WRN: variants seen among roughly 807,000 people sequenced by gnomAD.
The protein encoded by WRN is bifunctional 3'-5' exonuclease/ATP-dependent helicase WRN.
Under a neutral mutation model 180.7 loss-of-function variants are expected in WRN, and 149 were observed. The observed-to-expected ratio is 0.82, with a 90% CI of 0.72 to 0.94. The LOEUF (loss-of-function observed/expected upper bound fraction) is 0.94. WRN is among the 40% of genes least tolerant of loss of function. The probability of loss-of-function intolerance (pLI) is 0.00; values close to 1 mark genes in which losing one functional copy is unlikely to be tolerated. For missense variants in WRN, 1,661 were observed against 1,700.1 expected (o/e 0.98, Z 0.40); for synonymous variants, 548 against 568.9 (o/e 0.96, Z 0.52).
Position 31,156,576 on chromosome 8 carries a change from G to A in WRN, c.3820-792G>A, listed in dbSNP as rs547631044. ...AAGGATGAAAAACATTGCCTTAAAT[G>A]CTCTATTCTGTGAAAGTATCAACAT... On this transcript the variant is annotated intron_variant, in intron 32 of 34. Transcript: ENST00000298139. Among the ~76,000 whole-genome samples the A allele has an allele frequency of 7.2e-5, 11 of 152,286 alleles. No individual in the cohort carries two copies. The East Asian group carries it at 1.7e-3, about 24-fold the overall frequency.
intron 1 of WRN, among the ~76,000 whole-genome samples, chr8:31,057,646 T>TAG (rs895752311): frequency 3.9e-5 from 6 of 152,256 alleles, no homozygotes; most frequent in African/African-American, 1.2e-4. Context: ...TTTGAGGAAT[T>TAG]TGCTAAGAAC....
chr8:31,162,551 A>T (rs1429692015), intron 33 of WRN, among the ~76,000 whole-genome samples: 1 of 152,228 alleles, frequency 6.6e-6, no homozygotes, highest in Non-Finnish European at 1.5e-5. Context: ...ACACATAAAC[A>T]TAGTAACATA....
chr8:31,065,193 G>A, intron 5 of WRN, 130 bp downstream of exon 5: 1 of 904,940 alleles, frequency 1.1e-6, no homozygotes, highest in Non-Finnish European at 1.6e-6. Flanking sequence ...CAATAAAAAA[G>A]TTCCAAGTGA....
At chr8:31,055,582 G>T (rs566091612) in intron 1 of WRN, among the ~76,000 whole-genome samples, 18 of 151,770 alleles carry the variant, frequency 1.2e-4, no homozygotes, top group Non-Finnish European at 2.7e-4. Flanking sequence ...GTCTGTTCAT[G>T]TCCTCTGCCT....
Position 31,089,003 on chromosome 8 carries a change from T to C in WRN, c.1652+38T>C, listed in dbSNP as rs369893836. 259 of 1,570,508 alleles carry C rather than the reference T, an allele frequency of 1.6e-4. 1 individual carries two copies. The East Asian group carries it at 2.9e-3, about 18-fold the overall frequency. On this transcript the variant is annotated intron_variant, in intron 13 of 34. Coordinates refer to ENST00000298139, the MANE Select transcript of WRN (RefSeq NM_000553.6). ...TCATTTAATCAAATCACATATTTAGTATTCTCTTTAAAACAAGGGAAAAGG... is the reference window on the plus strand; with the variant it reads ...TCATTTAATCAAATCACATATTTAGCATTCTCTTTAAAACAAGGGAAAAGG...
intron 1 of WRN, 84 bp from the exon 2 acceptor site, chr8:31,058,288 A>G: frequency 1.6e-6 from 1 of 627,326 alleles, no homozygotes; most frequent in Non-Finnish European, 2.8e-6. Flanking sequence ...TAGCTCTTAT[A>G]ACCTATGCTT....
At chr8:31,131,958 CT>C (rs71208103) in intron 23 of WRN, among the ~76,000 whole-genome samples, 9,078 of 122,924 alleles carry the variant, frequency 0.074, 385 homozygotes, top group African/African-American at 0.2. Context: ...AGCTGAAAGG[CT>C]TTTTTTTTTT....
intron 23 of WRN, among the ~76,000 whole-genome samples, chr8:31,129,017 A>G (rs1802044175): frequency 6.6e-6 from 1 of 151,326 alleles, no homozygotes; most frequent in African/African-American, 2.5e-5. Context: ...ACAGGCTGTC[A>G]CACAGGCTGG....
intron 32 of WRN, among the ~76,000 whole-genome samples, chr8:31,156,615 G>A (rs1803395309): frequency 6.6e-6 from 1 of 152,220 alleles, no homozygotes; most frequent in African/African-American, 2.4e-5. Context: ...TGCAAATACA[G>A]TCTAAATTCA....
At chr8:31,087,680 A>G (rs1813585350) in intron 11 of WRN, 96 bp from the exon 12 acceptor site, 2 of 1,327,104 alleles carry the variant, frequency 1.5e-6, no homozygotes, top group Non-Finnish European at 2.1e-6. Flanking sequence ...TTTCGACAAA[A>G]TTGTAGGCCC....
chr8:31,037,289 C>T (rs1238735215), intron 1 of WRN, among the ~76,000 whole-genome samples: 6 of 152,184 alleles, frequency 3.9e-5, no homozygotes, highest in Admixed American at 1.3e-4. Flanking sequence ...CTAATGCCAC[C>T]GTTGATGTGT....
intron 22 of WRN, 22 bp from the exon 23 acceptor site, chr8:31,124,886 T>C (rs367867704): frequency 5.9e-5 from 95 of 1,600,670 alleles, no homozygotes; most frequent in Middle Eastern, 1.7e-4. Context: ...TTTTATTTAA[T>C]TTAAAATTTT....
chr8:31,100,347 A>G (rs1198896131), intron 17 of WRN, among the ~76,000 whole-genome samples: 1 of 152,202 alleles, frequency 6.6e-6, no homozygotes, highest in Non-Finnish European at 1.5e-5. Flanking sequence ...ACATTAGAAA[A>G]TGTGGCTGTC....
intron 16 of WRN, among the ~76,000 whole-genome samples, chr8:31,092,806 A>G (rs577916393): frequency 6.6e-6 from 1 of 152,118 alleles, no homozygotes; most frequent in Non-Finnish European, 1.5e-5. Context: ...GATTTTCTCT[A>G]CCATAGTTTG....
intron 24 of WRN, among the ~76,000 whole-genome samples, chr8:31,135,024 C>A (rs551648282): frequency 2.0e-5 from 3 of 151,934 alleles, no homozygotes; most frequent in South Asian, 2.1e-4. Flanking sequence ...CAAGCCCCCC[C>A]ACCAAAAAAA....
At chr8:31,091,743 A>G (rs543466799) in intron 15 of WRN, 87 bp from the exon 16 acceptor site, 2 of 1,258,716 alleles carry the variant, frequency 1.6e-6, no homozygotes, top group African/African-American at 1.5e-5. Flanking sequence ...ATAAATTATT[A>G]TATTTCTTTA....
At chr8:31,060,260 T>C (rs527612454) in intron 3 of WRN, among the ~76,000 whole-genome samples, 1 of 152,198 alleles carries the variant, frequency 6.6e-6, no homozygotes, top group African/African-American at 2.4e-5. Context: ...AATTTTGTTA[T>C]ATATTGGGTT....
intron 1 of WRN, among the ~76,000 whole-genome samples, chr8:31,050,300 C>T (rs940055970): frequency 6.6e-6 from 1 of 152,072 alleles, no homozygotes; most frequent in African/African-American, 2.4e-5. Context: ...ATCTTTTTTA[C>T]TGGACAGGAT....
At chr8:31,110,945 T>G (rs1008960964) in intron 18 of WRN, among the ~76,000 whole-genome samples, 14 of 152,216 alleles carry the variant, frequency 9.2e-5, no homozygotes, top group African/African-American at 2.9e-4. Context: ...ATATTCATGC[T>G]TTTCCTGATA....
Sources: allele counts gnomAD v4.1 joint callset (sites outside exome capture counted in the v4.1 genomes callset), GRCh38; gene constraint gnomAD v4.1.1; transcripts MANE v1.5; gene names NCBI Gene and HGNC (gene_info 2026-07-23, HGNC 2026-07-21).